The following TCERG1L variants were observed in gnomAD, a reference collection of about 807,000 sequenced individuals.
TCERG1L encodes the protein transcription elongation regulator 1 like, also known as transcription elongation regulator 1-like protein.
A neutral mutation model predicts 56.3 loss-of-function variants in TCERG1L; 37 were observed. The observed-to-expected ratio is 0.66, with a 90% CI of 0.51 to 0.87. TCERG1L has a LOEUF of 0.87. Ranked by LOEUF, TCERG1L falls within the 40% of genes least tolerant of loss-of-function variation. The pLI, the probability that TCERG1L is intolerant of heterozygous loss-of-function variation, is 0.00. For synonymous variants in TCERG1L, 324 were observed against 326.3 expected (o/e 0.99, Z 0.08); for missense variants, 799 against 774.2 (o/e 1.03, Z -0.38).
intron 4 of TCERG1L, among the ~76,000 whole-genome samples, chr10:131,184,155 C>T (rs1845211810): frequency 6.6e-6 from 1 of 152,238 alleles, no homozygotes; most frequent in Admixed American, 6.5e-5. Flanking sequence ...GAAGCCCACA[C>T]TTGGAGTGTG....
chr10:131,264,111 C>A (rs1846261686), intron 3 of TCERG1L, among the ~76,000 whole-genome samples: 1 of 151,824 alleles, frequency 6.6e-6, no homozygotes, highest in Non-Finnish European at 1.5e-5. Flanking sequence ...CTCCCCCTCC[C>A]CCCACACCCC....
intron 4 of TCERG1L, among the ~76,000 whole-genome samples, chr10:131,225,548 A>G (rs1261886200): frequency 6.6e-6 from 1 of 152,152 alleles, no homozygotes; most frequent in Non-Finnish European, 1.5e-5. Flanking sequence ...CCCAAGATGC[A>G]TTTCGATTGA....
chr10:131,289,366 AT>A (rs1344238138), intron 3 of TCERG1L, among the ~76,000 whole-genome samples: 2 of 152,268 alleles, frequency 1.3e-5, no homozygotes, highest in Non-Finnish European at 1.5e-5. Flanking sequence ...AATACGAAAA[AT>A]AAAAGATACG....
At chr10:131,214,438 C>A (rs1209539447) in intron 4 of TCERG1L, among the ~76,000 whole-genome samples, 1 of 152,190 alleles carries the variant, frequency 6.6e-6, no homozygotes, top group Non-Finnish European at 1.5e-5. Flanking sequence ...GCAAGCCTAC[C>A]CCACCCCAGA....
At chr10:131,114,576 C>T (rs944817777) in intron 9 of TCERG1L, among the ~76,000 whole-genome samples, 4 of 152,020 alleles carry the variant, frequency 2.6e-5, no homozygotes, top group East Asian at 1.9e-4. Flanking sequence ...AAAGTTGAAA[C>T]GAACCACCCA....
At chr10:131,259,431 G>A (rs1427843967) in intron 4 of TCERG1L, among the ~76,000 whole-genome samples, 1 of 151,892 alleles carries the variant, frequency 6.6e-6, no homozygotes, top group African/African-American at 2.4e-5. Flanking sequence ...CAGTTCCTGG[G>A]AGTTGGCACT....
intron 4 of TCERG1L, among the ~76,000 whole-genome samples, chr10:131,252,755 TC>T (rs1233136965): frequency 6.6e-6 from 1 of 152,192 alleles, no homozygotes; most frequent in Admixed American, 6.5e-5. Context: ...AAGTGGCCTG[TC>T]CCGGGAAGCA....
rs929660750 is a variant in TCERG1L at position 131,311,250 on chromosome 10, G to A, written c.342+44C>T. 15 of 1,193,312 alleles carry A rather than the reference G, an allele frequency of 1.3e-5. No homozygotes were observed. In the African/African-American group the frequency reaches 2.1e-4, roughly 16 times the overall value. The allele number at this position is 1,193,312 out of a possible 1,614,324, so 73.9% of individuals were successfully genotyped here. On this transcript the variant is annotated intron_variant, in intron 1 of 11. Transcript: ENST00000368642. This position sits in a 1 kb window ranked among gnomAD's most constrained non-coding sequence, Gnocchi z 4.0. Reference sequence around the variant, plus strand: ...GCCGGGCAGGGCGCGCCCAGGAGCAGGGGAGACGGCGACCCGGGCCGAGGC... The same window carrying A: ...GCCGGGCAGGGCGCGCCCAGGAGCAAGGGAGACGGCGACCCGGGCCGAGGC...
intron 6 of TCERG1L, among the ~76,000 whole-genome samples, chr10:131,148,420 A>G (rs1378668604): frequency 3.1e-5 from 3 of 97,766 alleles, no homozygotes; most frequent in African/African-American, 9.6e-5. Context: ...ACACACATGC[A>G]CACAGAGACA....
chr10:131,269,826 C>T, intron 3 of TCERG1L, among the ~76,000 whole-genome samples: 1 of 152,144 alleles, frequency 6.6e-6, no homozygotes, highest in Non-Finnish European at 1.5e-5. Flanking sequence ...TGCCACAAAC[C>T]TTCAACTTGT....
chr10:131,173,552 C>T (rs929984883), intron 4 of TCERG1L, among the ~76,000 whole-genome samples: 1 of 152,202 alleles, frequency 6.6e-6, no homozygotes, highest in Admixed American at 6.5e-5. Flanking sequence ...TCTAAGGGAA[C>T]CCTGCCCCTG....
At chr10:131,235,918 T>C (rs74160881) in intron 4 of TCERG1L, among the ~76,000 whole-genome samples, 3,041 of 152,274 alleles carry the variant, frequency 0.02, 98 homozygotes, top group African/African-American at 0.07. Context: ...TTTAAAACAA[T>C]AGATAAATCC....
rs71009957 is a variant in TCERG1L, at chr10:131,291,401, C to CTTTTTTTTTTTTTTTTT, written c.670+16793_670+16809dup. ...TGTGTATATTCCATAAACAGCATTT[C>CTTTTTTTTTTTTTTTTT]TTTTTTTTTTTTTTTTTTTTTTTTT... On this transcript the variant is annotated intron_variant, in intron 3 of 11. Coordinates refer to ENST00000368642, the MANE Select transcript of TCERG1L (RefSeq NM_174937.4). 5.2e-4 allele frequency among the ~76,000 whole-genome samples: 19 copies of CTTTTTTTTTTTTTTTTT among 36,594 alleles called. 6 individuals carry two copies. Among genetic ancestry groups the CTTTTTTTTTTTTTTTTT allele is most frequent in the African/African-American group, 1.0e-3 (10 of 10,020 alleles). The allele number at this position is 36,594 out of a possible 152,430, so 24.0% of individuals were successfully genotyped here.
chr10:131,141,214 A>T lies in TCERG1L; in HGVS notation c.1189+5292T>A, dbSNP rs531007086. 1.1e-3 allele frequency among the ~76,000 whole-genome samples: 168 copies of T among 152,202 alleles called. 1 individual carries two copies. The highest frequency in any genetic ancestry group is 3.9e-3 in the African/African-American group (162 of 41,528). ...GAAATGCCACACCACGGGTGCTGTG[A>T]TCTCTGCAGGGCTTCCCCGAGCCTT... is the stretch of plus-strand genomic sequence containing the variant. On this transcript the variant is annotated intron_variant, in intron 7 of 11. Transcript: ENST00000368642.
intron 9 of TCERG1L, among the ~76,000 whole-genome samples, chr10:131,110,741 T>G (rs1357569522): frequency 6.6e-6 from 1 of 152,226 alleles, no homozygotes; most frequent in African/African-American, 2.4e-5. Context: ...CTCTGGAGAC[T>G]GAGAAACTCA....
rs956696221 is a variant in TCERG1L at position 131,308,214 on chromosome 10, G to A, written c.667C>T (p.Pro223Ser). 1 of 1,604,976 alleles carries A rather than the reference G, an allele frequency of 6.2e-7. No homozygotes were observed. Among genetic ancestry groups the A allele is most frequent in the East Asian group, 2.2e-5 (1 of 44,804 alleles). The change falls in exon 3 of 12, where the codon CCA becomes TCA. Residue 223 changes from proline to serine, a missense_variant. By Grantham distance (74) the Pro-to-Ser change is moderately conservative. Coordinates refer to ENST00000368642, the MANE Select transcript of TCERG1L (RefSeq NM_174937.4). ...PTVVLAPQPI[P>S]GGCHNSLKVT... is the part of the protein sequence containing the mutation. ...TCAATGTTATTTGGGCACCAACCTG[G>A]GATGGGCTGAGGTGCTAACACCACC... is the stretch of plus-strand genomic sequence containing the variant.
rs79626481 is a variant in TCERG1L at position 131,270,429 on chromosome 10, A to G, written c.671-9985T>C. 2.1e-3 allele frequency among the ~76,000 whole-genome samples: 313 copies of G among 152,370 alleles called. 3 individuals carry two copies. Among genetic ancestry groups the G allele is most frequent in the African/African-American group, 7.0e-3 (292 of 41,584 alleles). On this transcript the variant is annotated intron_variant, in intron 3 of 11. Transcript: ENST00000368642. Reference sequence around the variant, plus strand: ...GAGTAAATAAACAGTGAGATAAGACAGGTCCAGCCAAAGAAAACTGCTAAG... The same window carrying G: ...GAGTAAATAAACAGTGAGATAAGACGGGTCCAGCCAAAGAAAACTGCTAAG...
chr10:131,209,116 T>C (rs1303323361), intron 4 of TCERG1L, among the ~76,000 whole-genome samples: 1 of 149,456 alleles, frequency 6.7e-6, no homozygotes, highest in Non-Finnish European at 1.5e-5. Flanking sequence ...TTAATAAAAA[T>C]ACTCCATAAA....
intron 8 of TCERG1L, among the ~76,000 whole-genome samples, chr10:131,125,763 C>T (rs559048626): frequency 3.3e-5 from 5 of 152,300 alleles, no homozygotes; most frequent in South Asian, 2.1e-4. Context: ...TGGATGCCTC[C>T]CCAGGATGGA....
Sources: gnomAD v4.1 joint callset for allele counts (sites outside exome capture counted in the v4.1 genomes callset) on GRCh38, gnomAD v4.1.1 for gene constraint, Gnocchi (gnomAD v3.1) non-coding constraint, MANE v1.5 for transcripts, NCBI Gene and HGNC (gene_info 2026-07-23, HGNC 2026-07-21) for gene names.